The following LCORL variants were observed in gnomAD, a reference collection of about 807,000 sequenced individuals.
LCORL encodes the protein ligand-dependent nuclear receptor corepressor-like protein.
In LCORL, 41 loss-of-function variants were observed where a neutral mutation model predicts 141.8. The ratio of observed to expected loss-of-function variants is 0.29; its 90% confidence interval spans 0.23 to 0.38. LCORL has a LOEUF of 0.38. Ranked by LOEUF, LCORL falls within the 10% of genes least tolerant of loss-of-function variation. LCORL has a pLI of 1.00. For synonymous variants in LCORL, 618 were observed against 694.1 expected, an observed-to-expected ratio of 0.89 and a Z score of 1.72; for missense variants, 1,759 against 2,035.0, an observed-to-expected ratio of 0.86 and a Z score of 2.61.
chr4:17,915,279 C>T (rs1249613526), intron 4 of LCORL, among the ~76,000 whole-genome samples: 1 of 152,210 alleles, frequency 6.6e-6, no homozygotes, highest in Non-Finnish European at 1.5e-5. Flanking sequence ...AGACATTCTA[C>T]AGCAATCAAA....
intron 7 of LCORL, among the ~76,000 whole-genome samples, chr4:17,858,898 A>G (rs182980385): frequency 1.4e-4 from 22 of 152,332 alleles, no homozygotes; most frequent in East Asian, 1.3e-3. Flanking sequence ...ATAAAGAGAA[A>G]ATCTTAAAAG....
intron 3 of LCORL, among the ~76,000 whole-genome samples, 182 bp from the exon 4 acceptor site, chr4:17,962,214 TAG>T (rs751347938): frequency 6.8e-6 from 1 of 147,610 alleles, no homozygotes; most frequent in African/African-American, 2.5e-5. Flanking sequence ...ATAGCTCTGA[TAG>T]AGAGTCAAAA....
chr4:17,993,580 G>T (rs76844983), intron 1 of LCORL, among the ~76,000 whole-genome samples: 6,010 of 152,238 alleles, frequency 0.039, 194 homozygotes, highest in African/African-American at 0.086. Flanking sequence ...ATGAAAGGAG[G>T]ACAATATAAA....
chr4:17,933,587 G>A (rs2109433078), intron 4 of LCORL, among the ~76,000 whole-genome samples: 1 of 151,974 alleles, frequency 6.6e-6, no homozygotes, highest in South Asian at 2.1e-4. Context: ...TGTGTAAGGT[G>A]TTTTATCATA....
rs1301468567 is a variant in LCORL at position 18,011,429 on chromosome 4, T to TAA, written c.154+10167_154+10168dup. On this transcript the variant is annotated intron_variant, in intron 1 of 7. Coordinates refer to ENST00000635767, the Ensembl canonical transcript of LCORL. ...ATCTGATCATGCTTATTACCCATTTTAAAAAAAAAAAAAAAACAACTTCAA... is the reference window on the plus strand; with the variant it reads ...ATCTGATCATGCTTATTACCCATTTTAAAAAAAAAAAAAAAAAACAACTTCAA... Among the ~76,000 whole-genome samples the TAA allele has an allele frequency of 4.9e-4, 66 of 134,220 alleles. No individual in the cohort carries two copies. In the East Asian group the frequency reaches 0.013, roughly 25 times the overall value. The allele number at this position is 134,220 out of a possible 152,430, so 88.1% of individuals were successfully genotyped here. A position where few individuals can be genotyped will look rare whatever the true frequency, so the allele number is the denominator to read the frequency against.
chr4:17,876,652 C>T (rs1195298700), exon 7 of LCORL: 1 of 1,230,674 alleles, frequency 8.1e-7, no homozygotes, highest in African/African-American at 1.6e-5. Context: ...GAATACCACC[C>T]TGGAGGCACA....
intron 4 of LCORL, among the ~76,000 whole-genome samples, chr4:17,952,966 C>G (rs562656807): frequency 3.8e-4 from 58 of 152,204 alleles, no homozygotes; most frequent in African/African-American, 1.4e-3. Context: ...ACTTTAGATT[C>G]CCACTTATAA....
exon 7 of LCORL, chr4:17,875,286 C>A: frequency 7.3e-6 from 9 of 1,231,372 alleles, no homozygotes; most frequent in Non-Finnish European, 9.1e-6. Flanking sequence ...CTGATTTGGT[C>A]GAATAATGTT....
chr4:17,894,898 T>A (rs1384790749), intron 5 of LCORL, among the ~76,000 whole-genome samples: 1 of 152,046 alleles, frequency 6.6e-6, no homozygotes, highest in Non-Finnish European at 1.5e-5. Flanking sequence ...TATCACGAGG[T>A]ACATAAAGTC....
intron 1 of LCORL, among the ~76,000 whole-genome samples, chr4:17,997,698 T>C (rs1721126164): frequency 6.6e-6 from 1 of 151,978 alleles, no homozygotes; most frequent in African/African-American, 2.4e-5. Context: ...ATAAAACATC[T>C]GAGATCAGCA....
At chr4:17,898,530 T>C (rs1730336729) in intron 5 of LCORL, among the ~76,000 whole-genome samples, 1 of 152,182 alleles carries the variant, frequency 6.6e-6, no homozygotes, top group Non-Finnish European at 1.5e-5. Flanking sequence ...TCGTTAGTTT[T>C]TGGCTTATCT....
exon 7 of LCORL, chr4:17,874,729 G>C: frequency 8.1e-7 from 1 of 1,233,886 alleles, no homozygotes; most frequent in Non-Finnish European, 1.0e-6. Context: ...CTGAGCAAAG[G>C]GTTTGATGAA....
exon 7 of LCORL, chr4:17,875,384 G>A (rs1726811007): frequency 1.6e-6 from 2 of 1,231,264 alleles, no homozygotes; most frequent in African/African-American, 1.6e-5. Context: ...CAGTAGTCAA[G>A]CTTGCTACAG....
At chr4:17,916,737 C>T (rs927604324) in intron 4 of LCORL, among the ~76,000 whole-genome samples, 14 of 150,126 alleles carry the variant, frequency 9.3e-5, no homozygotes, top group Non-Finnish European at 1.8e-4. Context: ...CTCCACCTCC[C>T]GGGCTCAAGC....
At chr4:17,896,875 C>A (rs182924467) in intron 5 of LCORL, among the ~76,000 whole-genome samples, 1 of 152,020 alleles carries the variant, frequency 6.6e-6, no homozygotes. Flanking sequence ...CCCCACCCCC[C>A]ACTATCCTTC....
At chr4:17,908,549 T>C (rs1042413711) in intron 5 of LCORL, among the ~76,000 whole-genome samples, 3 of 152,218 alleles carry the variant, frequency 2.0e-5, no homozygotes, top group Admixed American at 6.5e-5. Flanking sequence ...TGTGAAGTTA[T>C]GGTTCTCTTT....
rs1444900388 is a variant in LCORL at position 17,884,775 on chromosome 4, T to C, written c.776+1293A>G. On this transcript the variant is annotated intron_variant, in intron 6 of 7. Transcript: ENST00000635767. The surrounding 1 kb of genome is among the most constrained non-coding windows in gnomAD (Gnocchi z 4.4). ...CTCCTGGATGGATGGAATGAAACGA[T>C]GGTAAACTGATGCATGAGAGACTCT... The C allele has an allele frequency of 1.5e-6, 2 of 1,310,646 alleles. No homozygotes were observed. Among genetic ancestry groups the C allele is most frequent in the Non-Finnish European group, 2.0e-6 (2 of 979,914 alleles). 81.2% of individuals were successfully genotyped at this position (1,310,646 alleles called of 1,614,324 possible).
At chr4:17,882,520 T>A (rs1338258762) in intron 6 of LCORL, 1 of 984,722 alleles carries the variant, frequency 1.0e-6, no homozygotes, top group South Asian at 4.7e-5. Flanking sequence ...GCCCAGCTTC[T>A]AACTACCCAA....
At chr4:17,846,978 C>T (rs1723011150) in intron 7 of LCORL, among the ~76,000 whole-genome samples, 2 of 152,178 alleles carry the variant, frequency 1.3e-5, no homozygotes, top group Admixed American at 1.3e-4. Context: ...GTGCTAAATA[C>T]ACAGTAATTA....
Sources: allele counts gnomAD v4.1 joint callset (sites outside exome capture counted in the v4.1 genomes callset), GRCh38; gene constraint gnomAD v4.1.1; non-coding constraint Gnocchi (gnomAD v3.1); transcripts MANE v1.5; gene names NCBI Gene and HGNC (gene_info 2026-07-23, HGNC 2026-07-21).